Variants in ESRRG observed in about 807,000 individuals in gnomAD.
ESRRG encodes the protein estrogen related receptor gamma, also known as estrogen-related receptor gamma.
Under a neutral mutation model 44.0 loss-of-function variants are expected in ESRRG, and 13 were observed. The ratio of observed to expected loss-of-function variants is 0.30; its 90% CI spans 0.19 to 0.47. ESRRG has a LOEUF of 0.47. Ranked by LOEUF, ESRRG falls within the 20% of genes least tolerant of loss-of-function variation. ESRRG has a pLI of 1.00. For synonymous variants in ESRRG, 215 were observed against 214.6 expected (o/e 1.00, Z -0.02); for missense variants, 395 against 580.6 (o/e 0.68, Z 3.29).
At chr1:216,644,328 T>C (rs1042296747) in intron 3 of ESRRG, among the ~76,000 whole-genome samples, 1 of 152,162 alleles carries the variant, frequency 6.6e-6, no homozygotes. Flanking sequence ...GGAATCTTCA[T>C]ACTGTGTGTA....
At chr1:216,800,204 CAT>C (rs2094575985) in intron 2 of ESRRG, among the ~76,000 whole-genome samples, 1 of 152,136 alleles carries the variant, frequency 6.6e-6, no homozygotes, top group Admixed American at 6.6e-5. Flanking sequence ...AAACCATTAA[CAT>C]ATTGTCACCA....
intron 2 of ESRRG, among the ~76,000 whole-genome samples, chr1:216,849,595 A>C (rs1188795025): frequency 1.3e-5 from 2 of 152,150 alleles, no homozygotes; most frequent in East Asian, 3.9e-4. Context: ...CCAAGAGATC[A>C]AAAGGATTCG....
chr1:216,859,987 G>T (rs1821788), intron 2 of ESRRG, among the ~76,000 whole-genome samples: 74,352 of 152,014 alleles, frequency 0.49, 20,565 homozygotes, highest in African/African-American at 0.76. Flanking sequence ...ACAAAGGCCA[G>T]GTGCAGTGGC....
At chr1:216,678,654 T>A (rs2076518007) in intron 1 of ESRRG, among the ~76,000 whole-genome samples, 1 of 152,220 alleles carries the variant, frequency 6.6e-6, no homozygotes, top group Admixed American at 6.5e-5. Flanking sequence ...TCCTATTTTC[T>A]TTTCATTTAG....
intron 3 of ESRRG, among the ~76,000 whole-genome samples, chr1:216,576,356 A>C (rs1375030011): frequency 1.3e-5 from 2 of 149,934 alleles, no homozygotes; most frequent in African/African-American, 4.9e-5. Flanking sequence ...TTTTTTAAAC[A>C]GAGTCCTCAG....
chr1:217,009,299 T>C (rs1393364053), intron 1 of ESRRG, among the ~76,000 whole-genome samples: 3 of 152,162 alleles, frequency 2.0e-5, no homozygotes, highest in Non-Finnish European at 4.4e-5. Flanking sequence ...TCTTTAAAAT[T>C]CATTCCATAG....
At chr1:216,617,756 C>G (rs992720552) in intron 3 of ESRRG, among the ~76,000 whole-genome samples, 1 of 152,172 alleles carries the variant, frequency 6.6e-6, no homozygotes, top group Admixed American at 6.5e-5. Context: ...CAAAATTAGA[C>G]TGTAAAGCAA....
intron 2 of ESRRG, among the ~76,000 whole-genome samples, chr1:216,835,187 AAG>A (rs2095544850): frequency 6.6e-6 from 1 of 152,248 alleles, no homozygotes; most frequent in Non-Finnish European, 1.5e-5. Flanking sequence ...ACCGTGTTGA[AAG>A]AAAAACTTCA....
chr1:217,117,444 G>A (rs138483131), intron 1 of ESRRG, among the ~76,000 whole-genome samples: 8 of 152,154 alleles, frequency 5.3e-5, no homozygotes, highest in Admixed American at 5.2e-4. Flanking sequence ...ACCTAGCTAA[G>A]GGTAGTGGTG....
intron 1 of ESRRG, among the ~76,000 whole-genome samples, chr1:217,052,929 A>G (rs1326575903): frequency 6.6e-6 from 1 of 151,756 alleles, no homozygotes; most frequent in African/African-American, 2.4e-5. Context: ...AAATAAATAG[A>G]CCTCCTAAAG....
At chr1:216,682,398 C>G (rs1192966966) in intron 1 of ESRRG, among the ~76,000 whole-genome samples, 4 of 152,154 alleles carry the variant, frequency 2.6e-5, no homozygotes, top group Admixed American at 1.3e-4. Context: ...AGGTAATCAT[C>G]ATCATTATAA....
chr1:217,125,363 T>C (rs1558289147), intron 1 of ESRRG, among the ~76,000 whole-genome samples: 1 of 152,200 alleles, frequency 6.6e-6, no homozygotes, highest in Non-Finnish European at 1.5e-5. Flanking sequence ...TTGCAGTACA[T>C]AATAGTACAT....
At chr1:217,057,587 A>C (rs1235083953) in intron 1 of ESRRG, among the ~76,000 whole-genome samples, 1 of 152,134 alleles carries the variant, frequency 6.6e-6, no homozygotes, top group Non-Finnish European at 1.5e-5. Context: ...AATAAAAGAA[A>C]AACTCACTTC....
intron 2 of ESRRG, among the ~76,000 whole-genome samples, chr1:216,855,449 A>G (rs769018295): frequency 6.6e-6 from 1 of 152,194 alleles, no homozygotes; most frequent in Non-Finnish European, 1.5e-5. Context: ...TTATTTCTCC[A>G]TTTTACAGAT....
At chr1:216,808,673 C>T (rs1251034552) in intron 2 of ESRRG, among the ~76,000 whole-genome samples, 1 of 152,074 alleles carries the variant, frequency 6.6e-6, no homozygotes, top group Non-Finnish European at 1.5e-5. Flanking sequence ...ATCTGCCTAC[C>T]TCAGCCTCCC....
At chr1:216,942,275 A>G (rs537062444) in intron 1 of ESRRG, among the ~76,000 whole-genome samples, 177 of 152,264 alleles carry the variant, frequency 1.2e-3, no homozygotes, top group African/African-American at 4.1e-3. Context: ...ATGGTATTCC[A>G]TATTCTATAG....
intron 4 of ESRRG, among the ~76,000 whole-genome samples, chr1:216,567,559 G>A (rs977786930): frequency 4.6e-5 from 7 of 152,270 alleles, no homozygotes; most frequent in African/African-American, 1.7e-4. Flanking sequence ...GGGAGGTTGA[G>A]CAGTCAAATT....
intron 5 of ESRRG, among the ~76,000 whole-genome samples, chr1:216,551,939 A>G (rs915805997): frequency 1.3e-5 from 2 of 152,114 alleles, no homozygotes; most frequent in African/African-American, 4.8e-5. Flanking sequence ...ATGTTCCCCA[A>G]TCACAAACCT....
chr1:216,747,578 G>T (rs2091548926), intron 2 of ESRRG, among the ~76,000 whole-genome samples: 1 of 152,122 alleles, frequency 6.6e-6, no homozygotes, highest in South Asian at 2.1e-4. Context: ...GGCCCACAAT[G>T]ATTGCATTTC....
Sources: gnomAD v4.1 joint callset for allele counts (sites outside exome capture counted in the v4.1 genomes callset) on GRCh38, gnomAD v4.1.1 for gene constraint, MANE v1.5 for transcripts, NCBI Gene and HGNC (gene_info 2026-07-23, HGNC 2026-07-21) for gene names.